Variants in ZNF117 observed in about 807,000 individuals in gnomAD.
ZNF117 encodes Krueppel-related zinc finger protein.
ZNF117 carries 37 observed loss-of-function variants against 41.2 expected under a neutral mutation model. The ratio of observed to expected loss-of-function variants is 0.90; its 90% confidence interval spans 0.69 to 1.18. The LOEUF is 1.18. ZNF117 is among the 50% of genes most tolerant of loss of function. The pLI, the probability that ZNF117 is intolerant of heterozygous loss-of-function variation, is 0.00. For synonymous variants in ZNF117, 186 were observed against 186.6 expected, an observed-to-expected ratio of 1.00 and a Z score of 0.02; for missense variants, 546 against 557.5, an observed-to-expected ratio of 0.98 and a Z score of 0.21.
chr7:64,988,996 T>C (rs188612345), intron 1 of ZNF117, among the ~76,000 whole-genome samples: 6 of 152,182 alleles, frequency 3.9e-5, no homozygotes, highest in Admixed American at 3.3e-4. Flanking sequence ...AAAAGATCAA[T>C]ATCATTAAAA....
upstream of ZNF117, among the ~76,000 whole-genome samples, chr7:64,983,692 A>C (rs1219626562): frequency 6.6e-6 from 1 of 152,228 alleles, no homozygotes; most frequent in African/African-American, 2.4e-5. Context: ...TAAAAGTGTC[A>C]GCACCACCTG....
exon 3 of ZNF117, chr7:64,976,896 C>G (rs1452190298): frequency 2.0e-6 from 1 of 490,126 alleles, no homozygotes; most frequent in Non-Finnish European, 4.2e-6. Flanking sequence ...TTCACATTTG[C>G]AGGGTTTCTC....
intron 2 of ZNF117, 24 bp from the exon 4 acceptor site, chr7:64,979,560 C>A: frequency 3.5e-6 from 5 of 1,437,450 alleles, no homozygotes; most frequent in Non-Finnish European, 4.6e-6. Context: ...AAGTAACAAA[C>A]TACTTCACTT....
At chr7:64,985,935 G>A (rs1455546291), upstream of ZNF117, among the ~76,000 whole-genome samples, 2 of 132,148 alleles carry the variant, frequency 1.5e-5, no homozygotes, top group Non-Finnish European at 3.1e-5. Flanking sequence ...TGGGCAACCA[G>A]GTGAGACTCC....
At chr7:64,977,828 TC>T in exon 3 of ZNF117, 1 of 1,093,932 alleles carries the variant, frequency 9.1e-7, no homozygotes, top group East Asian at 2.7e-5. Flanking sequence ...AGGGTTTCTC[TC>T]CAATATGAAT....
chr7:64,978,086 A>G lies in ZNF117; in HGVS notation c.*33T>C, dbSNP rs773636039. The G allele has an allele frequency of 4.4e-6, 7 of 1,591,442 alleles. No homozygotes were observed. The East Asian group carries it at 1.3e-4, about 31-fold the overall frequency. On this transcript the variant is annotated 3_prime_UTR_variant, in exon 3 of 3. Coordinates refer to ENST00000620222, the Ensembl canonical transcript of ZNF117. ...CACACTTGTAAGGTTTCTCTCCAGTATGAATTTTCTTGTGTTCAATGAGTT... is the reference window on the plus strand; with the variant it reads ...CACACTTGTAAGGTTTCTCTCCAGTGTGAATTTTCTTGTGTTCAATGAGTT...
upstream of ZNF117, among the ~76,000 whole-genome samples, chr7:64,985,950 CAAAA>C (rs66524694): frequency 1.2e-5 from 1 of 82,174 alleles, no homozygotes; most frequent in Non-Finnish European, 2.2e-5. Context: ...GACTCCATCT[CAAAA>C]AAAAAAAAAA....
At chr7:64,984,730 T>A (rs1258090779), upstream of ZNF117, among the ~76,000 whole-genome samples, 1 of 136,792 alleles carries the variant, frequency 7.3e-6, no homozygotes, top group Non-Finnish European at 1.6e-5. Context: ...TTAAAAATTG[T>A]CTACAACCAT....
At chr7:64,981,139 T>A (rs1786022567) in intron 2 of ZNF117, 1 of 473,140 alleles carries the variant, frequency 2.1e-6, no homozygotes, top group Non-Finnish European at 3.7e-6. Context: ...GTCTTTTATA[T>A]CCCATGAAGA....
intron 1 of ZNF117, 130 bp from the exon 3 acceptor site, chr7:64,981,612 A>C: frequency 1.2e-6 from 1 of 809,502 alleles, no homozygotes; most frequent in Admixed American, 3.3e-5. Flanking sequence ...ATTTATAACA[A>C]AAATTTCTAA....
downstream of ZNF117, chr7:64,972,903 AT>A (rs1163062363): frequency 6.6e-6 from 1 of 152,078 alleles, no homozygotes; most frequent in East Asian, 1.9e-4. Context: ...TAAAGTACAC[AT>A]TTATTTATTA....
chr7:64,989,176 T>TACAC (rs146554486), intron 1 of ZNF117, among the ~76,000 whole-genome samples: 1 of 148,154 alleles, frequency 6.7e-6, no homozygotes, highest in East Asian at 2.0e-4. Context: ...TATACACATA[T>TACAC]ACACACACAC....
intron 2 of ZNF117, chr7:64,980,982 C>CA: frequency 1.3e-5 from 1 of 76,740 alleles, no homozygotes; most frequent in Non-Finnish European, 2.6e-5. Context: ...AACAAAAAAA[C>CA]CAATGGAACA....
chr7:64,977,193 G>T, exon 3 of ZNF117: 1 of 445,226 alleles, frequency 2.2e-6, no homozygotes, highest in South Asian at 1.7e-5. Flanking sequence ...AAGCGTTGAG[G>T]ACAGGTTAAA....
rs1786244503 is a variant in ZNF117, at chr7:64,990,712, T to C, written c.-961A>G. Reference sequence around the variant, plus strand: ...GTGAGAGCAGAACAAAGAATAATGTTATGGGGAGAGAATTTCAAACAGGGA... The same window carrying C: ...GTGAGAGCAGAACAAAGAATAATGTCATGGGGAGAGAATTTCAAACAGGGA... On this transcript the variant is annotated 5_prime_UTR_variant, in exon 1 of 4. In the 5' UTR this introduces an upstream ATG that the reference lacks. Transcript: ENST00000282869. 1 of 152,506 alleles carries C rather than the reference T, an allele frequency of 6.6e-6. No individual in the cohort carries two copies. The highest frequency in any genetic ancestry group is 1.5e-5 in the Non-Finnish European group (1 of 68,282). 9.4% of individuals were successfully genotyped at this position (152,506 alleles called of 1,614,324 possible). A position where few individuals can be genotyped will look rare whatever the true frequency, so the allele number is the denominator to read the frequency against.
upstream of ZNF117, among the ~76,000 whole-genome samples, chr7:64,985,162 T>C (rs970622969): frequency 6.6e-6 from 1 of 152,220 alleles, no homozygotes; most frequent in Admixed American, 6.5e-5. Context: ...CACTAGTATA[T>C]AAAATACTGT....
At chr7:64,978,047 T>C in exon 3 of ZNF117, 4 of 1,492,912 alleles carry the variant, frequency 2.7e-6, no homozygotes, top group Non-Finnish European at 3.7e-6. Context: ...GGTTAGAAGT[T>C]TTGCCACATT....
chr7:64,981,809 T>C (rs1786038989), intron 1 of ZNF117, among the ~76,000 whole-genome samples, 175 bp downstream of exon 2: 1 of 152,152 alleles, frequency 6.6e-6, no homozygotes, highest in Admixed American at 6.6e-5. Context: ...TGGAAAGTTA[T>C]GGTAAAGATG....
At chr7:64,979,747 G>A (rs1246330457) in intron 2 of ZNF117, among the ~76,000 whole-genome samples, 2 of 152,032 alleles carry the variant, frequency 1.3e-5, no homozygotes, top group African/African-American at 4.8e-5. Context: ...TTACGTGTGT[G>A]CAGTGTTCCA....
Sources: gnomAD v4.1 joint callset for allele counts (sites outside exome capture counted in the v4.1 genomes callset) on GRCh38, gnomAD v4.1.1 for gene constraint, MANE v1.5 for transcripts, NCBI Gene and HGNC (gene_info 2026-07-23, HGNC 2026-07-21) for gene names.